The following USH2A variants were observed in gnomAD, a reference collection of about 807,000 sequenced individuals.
USH2A encodes the protein Usher syndrome 2A (autosomal recessive, mild).
In USH2A, 443 loss-of-function variants were observed where a neutral mutation model predicts 538.9. The ratio of observed to expected loss-of-function variants is 0.82; its 90% CI spans 0.76 to 0.89. The LOEUF (loss-of-function observed/expected upper bound fraction) is 0.89. Ranked by LOEUF, USH2A falls within the 40% of genes least tolerant of loss-of-function variation. The pLI is 0.00. For synonymous variants in USH2A, 2,413 were observed against 2,273.5 expected (o/e 1.06, Z -1.75); for missense variants, 6,633 against 6,324.8 (o/e 1.05, Z -1.65).
intron 64 of USH2A, among the ~76,000 whole-genome samples, chr1:215,668,006 A>C (rs1462983366): frequency 6.6e-6 from 1 of 152,202 alleles, no homozygotes; most frequent in East Asian, 1.9e-4. Flanking sequence ...ATACATCCTC[A>C]CGATCTTCTG....
In USH2A at chr1:215,888,417, G is replaced by T; in HGVS notation, c.8223+9C>A. On this transcript the variant is annotated intron_variant, in intron 41 of 71. Transcript: ENST00000307340. ...GTCTGCAAAGGAGAGAGAATAGTCA[G>T]TATCTTACCTGGACTGCATCGGGTT... is the stretch of plus-strand genomic sequence containing the variant. 1 of 1,612,474 alleles carries T rather than the reference G, an allele frequency of 6.2e-7. No homozygotes were observed. The highest frequency in any genetic ancestry group is 2.2e-5 in the East Asian group (1 of 44,880).
At chr1:215,883,602 G>A (rs925241629) in intron 41 of USH2A, among the ~76,000 whole-genome samples, 15 of 151,512 alleles carry the variant, frequency 9.9e-5, no homozygotes, top group African/African-American at 2.2e-4. Context: ...TGTTTTTTCC[G>A]TACACATTGA....
intron 15 of USH2A, among the ~76,000 whole-genome samples, chr1:216,210,282 C>T (rs970167955): frequency 1.3e-5 from 2 of 152,080 alleles, no homozygotes; most frequent in African/African-American, 2.4e-5. Flanking sequence ...AAACTGTTCT[C>T]ATGAAAGCAG....
chr1:216,274,919 A>G (rs2036642686), intron 11 of USH2A, among the ~76,000 whole-genome samples: 1 of 152,228 alleles, frequency 6.6e-6, no homozygotes, highest in East Asian at 1.9e-4. Context: ...GTGTGCAAAA[A>G]GGTAAAATTC....
At chr1:216,406,153 T>C (rs929310704) in intron 3 of USH2A, among the ~76,000 whole-genome samples, 4 of 152,134 alleles carry the variant, frequency 2.6e-5, no homozygotes, top group Non-Finnish European at 5.9e-5. Flanking sequence ...TAAAATCATA[T>C]GGATCTAAAC....
At chr1:216,300,096 A>G (rs764760427) in intron 9 of USH2A, among the ~76,000 whole-genome samples, 1 of 152,240 alleles carries the variant, frequency 6.6e-6, no homozygotes, top group Non-Finnish European at 1.5e-5. Flanking sequence ...GTTTCAGATA[A>G]TACAAGGATA....
intron 21 of USH2A, among the ~76,000 whole-genome samples, chr1:216,167,180 G>A (rs2102633613): frequency 6.6e-6 from 1 of 152,098 alleles, no homozygotes; most frequent in South Asian, 2.1e-4. Flanking sequence ...CAATGAAACT[G>A]TTAGTGTTAC....
intron 47 of USH2A, among the ~76,000 whole-genome samples, chr1:215,835,164 CA>C (rs34758891): frequency 0.031 from 1,751 of 55,936 alleles, 17 homozygotes; most frequent in East Asian, 0.15. Flanking sequence ...AGTGATGCAC[CA>C]AAAAAAAAAA....
At position 215,883,431 on chromosome 1, in the gene USH2A, C is replaced by CT. The variant is rs577862084; in HGVS notation, c.8224-4334dup. Among the ~76,000 whole-genome samples the CT allele has an allele frequency of 9.6e-3, 1,427 of 147,978 alleles. 23 individuals are homozygous for CT. Among genetic ancestry groups the CT allele is most frequent in the African/African-American group, 0.032 (1,316 of 40,610 alleles). On this transcript the variant is annotated intron_variant, in intron 41 of 71. Coordinates refer to ENST00000307340, the MANE Select transcript of USH2A (RefSeq NM_206933.4). ...ATTGTTTCTAGCTACATATAGCTATCTTTTTTTTTTAAGCTACTGAGTTTC... is the reference window on the plus strand; with the variant it reads ...ATTGTTTCTAGCTACATATAGCTATCTTTTTTTTTTTAAGCTACTGAGTTTC...
chr1:216,194,242 C>T (rs1349129894), intron 19 of USH2A: 1 of 152,098 alleles, frequency 6.6e-6, no homozygotes, highest in African/African-American at 2.4e-5. Flanking sequence ...AGAGTACTAA[C>T]AGTCCACAGC....
chr1:216,320,619 A>G (rs537613743), intron 9 of USH2A, among the ~76,000 whole-genome samples: 2 of 152,338 alleles, frequency 1.3e-5, no homozygotes, highest in South Asian at 2.1e-4. Context: ...AAATATTACC[A>G]ATCTTTATAT....
intron 40 of USH2A, 67 bp downstream of exon 40, chr1:215,900,008 A>T: frequency 6.2e-7 from 1 of 1,610,332 alleles, no homozygotes. Context: ...TGCTTTGGAA[A>T]AAATTGAAGA....
intron 32 of USH2A, among the ~76,000 whole-genome samples, chr1:216,041,339 G>T (rs1037929713): frequency 6.6e-6 from 1 of 151,906 alleles, no homozygotes; most frequent in Non-Finnish European, 1.5e-5. Context: ...ACTAACTCAA[G>T]GTGCAGCAAT....
At chr1:215,806,837 T>C (rs1309620512) in intron 49 of USH2A, among the ~76,000 whole-genome samples, 1 of 152,140 alleles carries the variant, frequency 6.6e-6, no homozygotes, top group Non-Finnish European at 1.5e-5. Flanking sequence ...GCTTAATTTA[T>C]AGCAAATCTA....
chr1:215,628,823 GT>G lies in USH2A; in HGVS notation c.15509del (p.Asn5170ThrfsTer11). On this transcript the variant is annotated frameshift_variant, in exon 71 of 72. Transcript: ENST00000307340. LOFTEE classifies it high-confidence loss of function. Reference protein sequence around the residue: ...NSLWEAIMGHNSGLYVDEEDL... With the variant: ...NSLWEAIMGHXSGLYVDEEDL... ...GAGGAAACCAACTCACCAGTCCACT[GT>G]TGTGGCCCATGATGGCTTCCCACAG... The G allele has an allele frequency of 6.2e-7, 1 of 1,614,182 alleles. No individual in the cohort carries two copies. The highest frequency in any genetic ancestry group is 1.3e-5 in the African/African-American group (1 of 75,056).
At chr1:216,404,044 C>CTCTTT (rs2039351727) in intron 3 of USH2A, among the ~76,000 whole-genome samples, 1 of 152,126 alleles carries the variant, frequency 6.6e-6, no homozygotes, top group Non-Finnish European at 1.5e-5. Context: ...TCAATTAAAC[C>CTCTTT]TCTTTTCTTT....
At position 215,888,734 on chromosome 1, in the gene USH2A, A is replaced by C. The variant is rs398124620; in HGVS notation, c.7915T>G (p.Ser2639Ala). ...GGGGGTTGCCAAGATATAATCACAG[A>C]TGTTGGAGTATCAGAGAACAGCTCT... ...SPELFSDTPT[S>A]VIISWQPPTH... Residue 2639 changes from serine (S) to alanine (A), a missense_variant, in exon 41 of 72, where the codon TCT (serine) becomes GCT (alanine). Coordinates refer to ENST00000307340, the MANE Select transcript of USH2A (RefSeq NM_206933.4). 3 of 1,614,058 alleles carry C rather than the reference A, an allele frequency of 1.9e-6. No individual in the cohort carries two copies. The highest frequency in any genetic ancestry group is 2.5e-6 in the Non-Finnish European group (3 of 1,179,988).
At chr1:216,147,252 C>G (rs922735882) in intron 21 of USH2A, among the ~76,000 whole-genome samples, 1 of 152,034 alleles carries the variant, frequency 6.6e-6, no homozygotes, top group African/African-American at 2.4e-5. Flanking sequence ...GAGCTAGGTC[C>G]CAATTCTTCC....
intron 14 of USH2A, among the ~76,000 whole-genome samples, chr1:216,218,950 TAGTG>T (rs2035398605): frequency 2.0e-5 from 3 of 151,388 alleles, no homozygotes; most frequent in Admixed American, 6.6e-5. Context: ...AATATAATAT[TAGTG>T]AGCATAAACA....
Sources: gnomAD v4.1 joint callset for allele counts (sites outside exome capture counted in the v4.1 genomes callset) on GRCh38, gnomAD v4.1.1 for gene constraint, MANE v1.5 for transcripts, NCBI Gene and HGNC (gene_info 2026-07-23, HGNC 2026-07-21) for gene names.